The following ATP6V0D1 variants were observed in gnomAD, a reference collection of about 807,000 sequenced individuals.
ATP6V0D1 encodes the protein ATPase H+ transporting V0 subunit d1, also known as V-type proton ATPase subunit d 1.
A neutral mutation model predicts 39.0 loss-of-function variants in ATP6V0D1; 13 were observed. The observed-to-expected ratio is 0.33, with a 90% CI of 0.22 to 0.53. ATP6V0D1 has a LOEUF of 0.53. ATP6V0D1 is among the 20% of genes least tolerant of loss of function. The pLI, the probability that ATP6V0D1 is intolerant of heterozygous loss-of-function variation, is 0.94. For synonymous variants in ATP6V0D1, 191 were observed against 191.2 expected (o/e 1.00, Z 0.01); for missense variants, 272 against 470.9 (o/e 0.58, Z 3.91).
rs767360658 is a variant in ATP6V0D1 at position 67,444,481 on chromosome 16, G to T, written c.481+47C>A. On this transcript the variant is annotated intron_variant, in intron 3 of 7. Coordinates refer to ENST00000290949, the MANE Select transcript of ATP6V0D1 (RefSeq NM_004691.5). This position sits in a 1 kb window ranked among gnomAD's most constrained non-coding sequence, Gnocchi z 4.8. ...TCCACAAACCCCACCCTGATGCGCT[G>T]ATGCTGACACCACTGCCCACCTCCC... is the stretch of plus-strand genomic sequence containing the variant. 1.9e-6 allele frequency: 3 copies of T among 1,545,154 alleles called. No homozygotes were observed. Among genetic ancestry groups the T allele is most frequent in the Non-Finnish European group, 2.6e-6 (3 of 1,137,466 alleles).
intron 1 of ATP6V0D1, among the ~76,000 whole-genome samples, chr16:67,479,743 G>A (rs902328178): frequency 4.6e-5 from 7 of 152,156 alleles, no homozygotes; most frequent in Non-Finnish European, 8.8e-5. Flanking sequence ...TACCAATTAC[G>A]AGGCTATCAG....
At chr16:67,480,806 T>A in intron 1 of ATP6V0D1, 151 bp downstream of exon 1, 1 of 1,188,238 alleles carries the variant, frequency 8.4e-7, no homozygotes, top group South Asian at 1.6e-5. Flanking sequence ...TAGAGGTAGA[T>A]CCCGCTCCTG....
intron 1 of ATP6V0D1, among the ~76,000 whole-genome samples, chr16:67,469,169 G>T (rs187395870): frequency 1.3e-5 from 2 of 152,168 alleles, no homozygotes; most frequent in Non-Finnish European, 1.5e-5. Context: ...TTAGCCAGGC[G>T]TGGTGGCACA....
At chr16:67,477,146 G>C (rs1402491815) in intron 1 of ATP6V0D1, among the ~76,000 whole-genome samples, 1 of 150,988 alleles carries the variant, frequency 6.6e-6, no homozygotes, top group Non-Finnish European at 1.5e-5. Flanking sequence ...TTTAAAGTGG[G>C]AACAAGGGAC....
intron 1 of ATP6V0D1, among the ~76,000 whole-genome samples, chr16:67,466,058 A>G (rs2041326570): frequency 6.6e-6 from 1 of 152,148 alleles, no homozygotes; most frequent in Admixed American, 6.6e-5. Context: ...CGCCAGCTCC[A>G]GTTCCCCTTC....
chr16:67,443,067 G>A (rs750927902), intron 4 of ATP6V0D1, 32 bp downstream of exon 4: 10 of 1,610,138 alleles, frequency 6.2e-6, no homozygotes, highest in African/African-American at 4.0e-5. Flanking sequence ...CCACCGACAG[G>A]CCAATCCCCC....
chr16:67,450,281 C>T (rs1254734200), intron 2 of ATP6V0D1, among the ~76,000 whole-genome samples: 1 of 152,140 alleles, frequency 6.6e-6, no homozygotes, highest in African/African-American at 2.4e-5. Context: ...TGTATAGTTC[C>T]CTCAACCTAA....
Position 67,453,688 on chromosome 16 carries a change from T to C in ATP6V0D1, c.158A>G (p.Asp53Gly). Residue 53 changes from aspartate (D) to glycine (G), a missense_variant, in exon 2 of 8, where the codon GAT becomes GGT. Asp to Gly is a moderately conservative substitution (Grantham distance 94). This residue lies in a region of ATP6V0D1 where 81 missense variants were observed against 96.0 expected (regional missense o/e 0.84). Coordinates refer to ENST00000290949, the MANE Select transcript of ATP6V0D1 (RefSeq NM_004691.5). The surrounding 1 kb of genome is among the most constrained non-coding windows in gnomAD (Gnocchi z 4.1). ...CTCGTTGGCCAGGAAGTTACCATAA[T>C]CAGTGCTCTGCAGATGCAGTTTCAA... ...EDLKLHLQST[D>G]YGNFLANEAS... 1.9e-6 allele frequency: 3 copies of C among 1,614,082 alleles called. No individual in the cohort carries two copies. The South Asian group carries it at 3.3e-5, about 18-fold the overall frequency.
intron 1 of ATP6V0D1, among the ~76,000 whole-genome samples, chr16:67,458,791 T>C (rs2142319936): frequency 6.6e-6 from 1 of 152,284 alleles, no homozygotes; most frequent in South Asian, 2.1e-4. Context: ...CAGCCTTCCC[T>C]CAGGCCTAGG....
chr16:67,469,842 C>A (rs2041358969), intron 1 of ATP6V0D1, among the ~76,000 whole-genome samples: 1 of 152,188 alleles, frequency 6.6e-6, no homozygotes, highest in Non-Finnish European at 1.5e-5. Flanking sequence ...ACATTGAAAT[C>A]TTCCCCCTAC....
At chr16:67,452,903 A>C (rs1204811509) in intron 2 of ATP6V0D1, among the ~76,000 whole-genome samples, 1 of 152,220 alleles carries the variant, frequency 6.6e-6, no homozygotes, top group Non-Finnish European at 1.5e-5. Flanking sequence ...ACAATGAAGA[A>C]GCTGGGGCAG....
At chr16:67,439,188 A>C in intron 5 of ATP6V0D1, 41 bp from the exon 6 acceptor site, 3 of 1,613,540 alleles carry the variant, frequency 1.9e-6, no homozygotes, top group Non-Finnish European at 2.5e-6. Context: ...GGGAGGAAGA[A>C]GGAGGCAGTA....
chr16:67,471,479 C>T (rs2041372524), intron 1 of ATP6V0D1, among the ~76,000 whole-genome samples: 2 of 152,266 alleles, frequency 1.3e-5, no homozygotes, highest in Middle Eastern at 3.4e-3. Flanking sequence ...CATGAGCCAC[C>T]ACACGTGGCC....
intron 1 of ATP6V0D1, among the ~76,000 whole-genome samples, chr16:67,478,946 G>A (rs1289351560): frequency 1.3e-5 from 2 of 152,094 alleles, no homozygotes; most frequent in African/African-American, 4.8e-5. Context: ...GTTCACCTTA[G>A]ATTTAGGCAA....
Position 67,438,489 on chromosome 16 carries a change from A to G in ATP6V0D1, c.*39T>C. ...CACACACGCGCACACACACACACAC[A>G]CACACAAAGAGTGCAATTGAGAGCC... On this transcript the variant is annotated 3_prime_UTR_variant, in exon 8 of 8. Transcript: ENST00000290949. The G allele has an allele frequency of 6.2e-7, 1 of 1,610,484 alleles. No individual in the cohort carries two copies. The highest frequency in any genetic ancestry group is 8.5e-7 in the Non-Finnish European group (1 of 1,177,940).
intron 1 of ATP6V0D1, among the ~76,000 whole-genome samples, chr16:67,480,505 A>G (rs1033396341): frequency 6.6e-6 from 1 of 152,014 alleles, no homozygotes; most frequent in Non-Finnish European, 1.5e-5. Flanking sequence ...CCGCAGGCCA[A>G]CGCGAAGACA....
intron 3 of ATP6V0D1, among the ~76,000 whole-genome samples, chr16:67,443,929 G>A (rs1045595850): frequency 6.6e-6 from 1 of 152,176 alleles, no homozygotes; most frequent in African/African-American, 2.4e-5. Context: ...CAGGACTCTG[G>A]CTACAAGGAC....
chr16:67,479,856 G>T (rs1363020447), intron 1 of ATP6V0D1, among the ~76,000 whole-genome samples: 7 of 152,102 alleles, frequency 4.6e-5, no homozygotes, highest in Non-Finnish European at 7.4e-5. Context: ...GCAAAGACTG[G>T]AATTAGGGAC....
intron 1 of ATP6V0D1, among the ~76,000 whole-genome samples, chr16:67,480,622 G>A (rs1465778107): frequency 5.3e-5 from 8 of 152,100 alleles, no homozygotes; most frequent in Non-Finnish European, 1.0e-4. Flanking sequence ...CTCGGGCTAC[G>A]TCAGGGTAAA....
Sources: allele counts gnomAD v4.1 joint callset (sites outside exome capture counted in the v4.1 genomes callset), GRCh38; gene constraint gnomAD v4.1.1; regional missense constraint gnomAD v4.1.1; non-coding constraint Gnocchi (gnomAD v3.1); transcripts MANE v1.5; gene names NCBI Gene and HGNC (gene_info 2026-07-23, HGNC 2026-07-21).